The following MTCL1 variants were observed in gnomAD, a reference collection of about 807,000 sequenced individuals.
The protein encoded by MTCL1 is microtubule cross-linking factor 1.
Under a neutral mutation model 141.4 loss-of-function variants are expected in MTCL1, and 79 were observed. That is an observed-to-expected ratio of 0.56 (90% CI 0.47 to 0.67). MTCL1 has a LOEUF of 0.67. MTCL1 is among the 30% of genes least tolerant of loss of function. The pLI is 0.00. For synonymous variants in MTCL1, 914 were observed against 875.8 expected, an observed-to-expected ratio of 1.04 and a Z score of -0.77; for missense variants, 2,177 against 2,113.9, an observed-to-expected ratio of 1.03 and a Z score of -0.59.
chr18:8,795,408 G>C (rs964296456), intron 8 of MTCL1, among the ~76,000 whole-genome samples: 4 of 152,188 alleles, frequency 2.6e-5, no homozygotes, highest in African/African-American at 4.8e-5. Flanking sequence ...TATCACTTTA[G>C]CTACTATAAA....
At position 8,753,332 on chromosome 18, in the gene MTCL1, G is replaced by A. The variant is rs1567979488; in HGVS notation, c.358-24501G>A. Among the ~76,000 whole-genome samples the A allele has an allele frequency of 4.6e-5, 7 of 152,258 alleles. No individual in the cohort carries two copies. The South Asian group carries it at 1.2e-3, about 27-fold the overall frequency. On this transcript the variant is annotated intron_variant, in intron 4 of 16. Coordinates refer to ENST00000359865, the Ensembl canonical transcript of MTCL1. ...GAGACACTTATTGTTTGAAATAAAG[G>A]TATTGACAGATCTGGGATTTGATTT...
chr18:8,710,460 T>TTC (rs1555623250), intron 1 of MTCL1, among the ~76,000 whole-genome samples: 2 of 88,996 alleles, frequency 2.2e-5, no homozygotes, highest in African/African-American at 5.9e-5. Context: ...GCACTTTCTT[T>TTC]TTTTTTTTTT....
At chr18:8,713,845 A>C (rs1489850545), upstream of MTCL1, among the ~76,000 whole-genome samples, 1 of 152,172 alleles carries the variant, frequency 6.6e-6, no homozygotes, top group Non-Finnish European at 1.5e-5. Context: ...CAGGAGGCTG[A>C]GGCAGGAAGA....
intron 11 of MTCL1, among the ~76,000 whole-genome samples, chr18:8,807,516 A>C (rs2076340948): frequency 1.3e-5 from 2 of 152,204 alleles, no homozygotes; most frequent in Non-Finnish European, 2.9e-5. Flanking sequence ...CAAGAATTCT[A>C]ATACATTTCA....
intron 4 of MTCL1, among the ~76,000 whole-genome samples, chr18:8,727,048 C>T (rs1022347018): frequency 1.4e-4 from 21 of 152,140 alleles, no homozygotes; most frequent in African/African-American, 5.1e-4. Context: ...TGAGAACATG[C>T]AGTATTGGAT....
intron 6 of MTCL1, 68 bp downstream of exon 5, chr18:8,784,911 C>T: frequency 7.3e-7 from 1 of 1,366,156 alleles, no homozygotes; most frequent in African/African-American, 1.4e-5. Context: ...GGCATTGCTG[C>T]ACTCGGGCTC....
intron 4 of MTCL1, among the ~76,000 whole-genome samples, chr18:8,776,722 GTTAT>G (rs140591538): frequency 0.48 from 68,695 of 142,176 alleles, 17,471 homozygotes; most frequent in Admixed American, 0.55. Context: ...GGAAACACTA[GTTAT>G]TTATTTATTT....
chr18:8,824,152 C>T (rs144135878), intron 14 of MTCL1, among the ~76,000 whole-genome samples: 67 of 152,328 alleles, frequency 4.4e-4, no homozygotes, highest in Non-Finnish European at 6.2e-4. Context: ...CCGAGCACTC[C>T]GGCCACTTTC....
chr18:8,758,445 T>G (rs2096413777), intron 4 of MTCL1, among the ~76,000 whole-genome samples: 1 of 152,178 alleles, frequency 6.6e-6, no homozygotes, highest in South Asian at 2.1e-4. Flanking sequence ...ATTTTCTTCT[T>G]CTATGGATTT....
At chr18:8,798,272 G>C in exon 10 of MTCL1, 1 of 1,560,906 alleles carries the variant, frequency 6.4e-7, no homozygotes, top group Non-Finnish European at 8.7e-7. Flanking sequence ...ACCGCGGACA[G>C]GGGACAGCCC....
chr18:8,819,583 A>G (rs1311684116), intron 13 of MTCL1, among the ~76,000 whole-genome samples: 1 of 152,124 alleles, frequency 6.6e-6, no homozygotes, highest in Non-Finnish European at 1.5e-5. Flanking sequence ...TGGGAAGTGT[A>G]TATGCTCAAC....
intron 4 of MTCL1, among the ~76,000 whole-genome samples, chr18:8,723,916 T>A (rs776095950): frequency 6.6e-6 from 1 of 152,026 alleles, no homozygotes; most frequent in South Asian, 2.1e-4. Flanking sequence ...TTCGATTCCA[T>A]TGATAAGAAA....
intron 4 of MTCL1, among the ~76,000 whole-genome samples, chr18:8,721,965 G>A (rs1400714499): frequency 6.6e-6 from 1 of 152,170 alleles, no homozygotes; most frequent in East Asian, 1.9e-4. Flanking sequence ...CCTGGGAGAT[G>A]AGGTGGCCTC....
Position 8,779,466 on chromosome 18 carries a change from G to C in MTCL1, c.417+1574G>C, listed in dbSNP as rs781399084. Among the ~76,000 whole-genome samples the C allele has an allele frequency of 7.2e-5, 11 of 152,188 alleles. No homozygotes were observed. The highest frequency in any genetic ancestry group is 1.0e-4 in the Non-Finnish European group (7 of 68,032). On this transcript the variant is annotated intron_variant, in intron 5 of 16. Coordinates refer to ENST00000359865, the Ensembl canonical transcript of MTCL1. This position sits in a 1 kb window ranked among gnomAD's most constrained non-coding sequence, Gnocchi z 4.1. ...TAAGAAGTCTACGGTTACAAGATAA[G>C]ATGGGCATCCAGCCTCCCGCTGCCT...
intron 4 of MTCL1, among the ~76,000 whole-genome samples, chr18:8,750,945 G>A (rs982441535): frequency 2.6e-5 from 4 of 152,142 alleles, no homozygotes; most frequent in Admixed American, 6.5e-5. Context: ...CTGGCAAGGC[G>A]GCCTGAGTGC....
At position 8,779,496 on chromosome 18, in the gene MTCL1, T is replaced by C. The variant is rs938543129; in HGVS notation, c.417+1604T>C. ...GCATCCAGCCTCCCGCTGCCTGAGC[T>C]GAAGCTGTGATTCCACATCTTATGA... On this transcript the variant is annotated intron_variant, in intron 5 of 16. Transcript: ENST00000359865. The surrounding 1 kb of genome is among the most constrained non-coding windows in gnomAD (Gnocchi z 4.1). Among the ~76,000 whole-genome samples the C allele has an allele frequency of 6.6e-6, 1 of 152,194 alleles. No individual in the cohort carries two copies. The highest frequency in any genetic ancestry group is 1.5e-5 in the Non-Finnish European group (1 of 68,030).
intron 4 of MTCL1, among the ~76,000 whole-genome samples, chr18:8,760,235 C>G (rs950721752): frequency 5.3e-4 from 81 of 152,280 alleles, no homozygotes; most frequent in African/African-American, 1.9e-3. Flanking sequence ...TATGGAGGGT[C>G]TCAGGCTGTG....
chr18:8,763,141 G>A lies in MTCL1; in HGVS notation c.358-14692G>A, dbSNP rs550388768. ...CATGTCCCATGTCTGTCTGGAGGAA[G>A]CAGGCCTGTGACAAGATGTGCCGAG... is the stretch of plus-strand genomic sequence containing the variant. On this transcript the variant is annotated intron_variant, in intron 4 of 16. Transcript: ENST00000359865. Among the ~76,000 whole-genome samples the A allele has an allele frequency of 4.6e-5, 7 of 152,344 alleles. No individual in the cohort carries two copies. In the South Asian group the frequency reaches 1.4e-3, roughly 32 times the overall value.
chr18:8,714,412 C>T (rs62085576), upstream of MTCL1, among the ~76,000 whole-genome samples: 1 of 151,974 alleles, frequency 6.6e-6, no homozygotes, highest in Non-Finnish European at 1.5e-5. Flanking sequence ...AAATACATGC[C>T]GTTATGGTGC....
Sources: allele counts gnomAD v4.1 joint callset (sites outside exome capture counted in the v4.1 genomes callset), GRCh38; gene constraint gnomAD v4.1.1; non-coding constraint Gnocchi (gnomAD v3.1); transcripts MANE v1.5; gene names NCBI Gene and HGNC (gene_info 2026-07-23, HGNC 2026-07-21).